MAGI2: variants seen among roughly 807,000 people sequenced by gnomAD.
MAGI2 encodes membrane associated guanylate kinase, WW and PDZ domain containing 2, also known as membrane-associated guanylate kinase, WW and PDZ domain-containing protein 2.
Under a neutral mutation model 133.3 loss-of-function variants are expected in MAGI2, and 35 were observed. The observed-to-expected ratio is 0.26, with a 90% CI of 0.20 to 0.35. The LOEUF is 0.35. Ranked by LOEUF, MAGI2 falls within the 10% of genes least tolerant of loss-of-function variation. The pLI is 1.00. For synonymous variants in MAGI2, 729 were observed against 710.6 expected, an observed-to-expected ratio of 1.03 and a Z score of -0.41; for missense variants, 1,636 against 1,863.4, an observed-to-expected ratio of 0.88 and a Z score of 2.25.
chr7:78,201,231 TTACCGACTGCCAC>T (rs1829223005), intron 10 of MAGI2, 38 bp from the exon 11 acceptor site: 1 of 1,113,754 alleles, frequency 9.0e-7, no homozygotes, highest in South Asian at 1.7e-5. Context: ...TTTGAAAATA[TTACCGACTGCCAC>T]TTATGGGTGG....
At chr7:78,151,048 C>CTTTATA (rs3840597) in intron 16 of MAGI2, among the ~76,000 whole-genome samples, 21,477 of 137,630 alleles carry the variant, frequency 0.16, 1,724 homozygotes, top group South Asian at 0.18. Context: ...GAGTTTGATG[C>CTTTATA]TTTATATTTA....
chr7:78,826,617 A>T (rs2151435376), intron 2 of MAGI2, among the ~76,000 whole-genome samples: 1 of 152,282 alleles, frequency 6.6e-6, no homozygotes. Context: ...AATATCATGG[A>T]ATTCTACAGC....
chr7:79,080,251 G>C (rs2129541819), intron 1 of MAGI2, among the ~76,000 whole-genome samples: 1 of 152,144 alleles, frequency 6.6e-6, no homozygotes, highest in Non-Finnish European at 1.5e-5. Flanking sequence ...TTTTTCGACA[G>C]TCCAAAATGA....
intron 6 of MAGI2, among the ~76,000 whole-genome samples, chr7:78,489,064 C>A (rs771565102): frequency 5.3e-5 from 8 of 151,872 alleles, no homozygotes; most frequent in Non-Finnish European, 1.0e-4. Flanking sequence ...TGTAAGTGCT[C>A]CTTTAAAATT....
At position 78,631,040 on chromosome 7, in the gene MAGI2, ATC is replaced by A. The variant is rs553960708; in HGVS notation, c.419-3803_419-3802del. On this transcript the variant is annotated intron_variant, in intron 2 of 21. Transcript: ENST00000354212. Reference sequence around the variant, plus strand: ...CTCCATCCTCATGGTGGCTGAGCACATCTGTTGGAAGCTTCCTGTCGAAGGTT... The same window carrying A: ...CTCCATCCTCATGGTGGCTGAGCACATGTTGGAAGCTTCCTGTCGAAGGTT... Among the ~76,000 whole-genome samples, 164 of 152,200 alleles carry A rather than the reference ATC, an allele frequency of 1.1e-3. 1 individual carries two copies. The South Asian group carries it at 0.013, about 12-fold the overall frequency.
At chr7:78,412,050 T>C (rs1156547680) in intron 6 of MAGI2, among the ~76,000 whole-genome samples, 3 of 152,062 alleles carry the variant, frequency 2.0e-5, no homozygotes, top group Non-Finnish European at 4.4e-5. Context: ...TAAGTGCAAC[T>C]TTAAGGCATT....
intron 21 of MAGI2, among the ~76,000 whole-genome samples, chr7:78,041,992 C>T (rs1283258206): frequency 6.6e-6 from 1 of 152,188 alleles, no homozygotes; most frequent in Non-Finnish European, 1.5e-5. Context: ...ACTGGCAGAG[C>T]TGCTCCCTTC....
At chr7:78,062,211 C>T (rs1259929610) in intron 21 of MAGI2, among the ~76,000 whole-genome samples, 1 of 152,226 alleles carries the variant, frequency 6.6e-6, no homozygotes, top group East Asian at 1.9e-4. Flanking sequence ...ACAACAGGGC[C>T]TGGGCCCCCA....
chr7:78,307,858 A>G (rs780308440), intron 9 of MAGI2, among the ~76,000 whole-genome samples: 19 of 152,222 alleles, frequency 1.2e-4, no homozygotes, highest in Non-Finnish European at 2.6e-4. Context: ...GACTAGAATG[A>G]GCAAAGATGA....
intron 3 of MAGI2, among the ~76,000 whole-genome samples, chr7:78,606,997 C>A (rs897516463): frequency 6.6e-6 from 1 of 152,156 alleles, no homozygotes; most frequent in African/African-American, 2.4e-5. Flanking sequence ...GCCTGGCAAG[C>A]CCCTGGATAT....
intron 1 of MAGI2, among the ~76,000 whole-genome samples, chr7:79,036,801 A>T (rs574725611): frequency 2.6e-5 from 4 of 152,342 alleles, no homozygotes; most frequent in African/African-American, 9.6e-5. Context: ...TCAATGAATG[A>T]ATAAAATAAC....
chr7:78,059,777 A>ATTTTTTT lies in MAGI2; in HGVS notation c.3706+19163_3706+19169dup, dbSNP rs10692094. Among the ~76,000 whole-genome samples, 949 of 146,104 alleles carry ATTTTTTT rather than the reference A, an allele frequency of 6.5e-3. 5 individuals carry two copies. Among genetic ancestry groups the ATTTTTTT allele is most frequent in the African/African-American group, 0.014 (548 of 39,524 alleles). On this transcript the variant is annotated intron_variant, in intron 21 of 21. Transcript: ENST00000354212. ...AACAATGCCATATATATATATATAT[A>ATTTTTTT]TTTTTTTTCTGGAGTCCCTACAGCA...
At position 79,215,095 on chromosome 7, in the gene MAGI2, G is replaced by A. The variant is rs113927557; in HGVS notation, c.302-207889C>T. The stretch of plus-strand genomic sequence containing the variant: ...AAAGTAAAGCAGAAAAACTAGTTCA[G>A]GTCATGATGGAAAGAGGACATCAGA... On this transcript the variant is annotated intron_variant, in intron 1 of 21. Transcript: ENST00000354212. Among the ~76,000 whole-genome samples, 1,089 of 151,674 alleles carry A rather than the reference G, an allele frequency of 7.2e-3. 8 individuals are homozygous for A. Among genetic ancestry groups the A allele is most frequent in the Middle Eastern group, 0.021 (6 of 292 alleles).
chr7:78,041,331 C>A (rs1810814374), intron 21 of MAGI2, among the ~76,000 whole-genome samples: 1 of 152,174 alleles, frequency 6.6e-6, no homozygotes, highest in Admixed American at 6.5e-5. Context: ...AGGTTAGGAG[C>A]TTTGCAACCT....
At chr7:78,465,645 T>C (rs1309883318) in intron 6 of MAGI2, among the ~76,000 whole-genome samples, 1 of 152,182 alleles carries the variant, frequency 6.6e-6, no homozygotes, top group Non-Finnish European at 1.5e-5. Flanking sequence ...AATAGTTTCT[T>C]TTCTGAAAAA....
intron 2 of MAGI2, among the ~76,000 whole-genome samples, chr7:78,757,556 T>C: frequency 6.6e-6 from 1 of 152,208 alleles, no homozygotes; most frequent in South Asian, 2.1e-4. Flanking sequence ...CGTTTTATTA[T>C]CTTGAACTCT....
chr7:78,621,119 A>C (rs1807686420), intron 3 of MAGI2, among the ~76,000 whole-genome samples: 1 of 151,990 alleles, frequency 6.6e-6, no homozygotes, highest in Admixed American at 6.6e-5. Flanking sequence ...ACAGTTCCCA[A>C]AGACCTGTCT....
chr7:78,402,206 T>G (rs1010102371), intron 6 of MAGI2, among the ~76,000 whole-genome samples: 3 of 152,040 alleles, frequency 2.0e-5, no homozygotes, highest in Non-Finnish European at 4.4e-5. Context: ...GGGGTGTGTG[T>G]GTGTGTGTAT....
At chr7:79,176,828 A>C (rs1826135377) in intron 1 of MAGI2, among the ~76,000 whole-genome samples, 1 of 152,006 alleles carries the variant, frequency 6.6e-6, no homozygotes, top group African/African-American at 2.4e-5. Context: ...TTTTAGTAAA[A>C]TGACACACTC....
Sources: gnomAD v4.1 joint callset for allele counts (sites outside exome capture counted in the v4.1 genomes callset) on GRCh38, gnomAD v4.1.1 for gene constraint, MANE v1.5 for transcripts, NCBI Gene and HGNC (gene_info 2026-07-23, HGNC 2026-07-21) for gene names.